MROH2A: variants seen among roughly 807,000 people sequenced by gnomAD.
The protein encoded by MROH2A is maestro heat like repeat family member 2A.
MROH2A carries 174 observed loss-of-function variants against 200.4 expected under a neutral mutation model. The ratio of observed to expected loss-of-function variants is 0.87; its 90% CI spans 0.77 to 0.98. The LOEUF is 0.98. MROH2A is among the 50% of genes least tolerant of loss of function. MROH2A has a pLI of 0.00. For synonymous variants in MROH2A, 829 were observed against 840.4 expected (o/e 0.99, Z 0.23); for missense variants, 2,045 against 2,139.6 (o/e 0.96, Z 0.87).
At chr2:233,784,800 T>G (rs1701112275) in intron 3 of MROH2A, among the ~76,000 whole-genome samples, 1 of 152,188 alleles carries the variant, frequency 6.6e-6, no homozygotes. Flanking sequence ...TCTTTATAAA[T>G]TATCTAGCCT....
At chr2:233,801,086 T>C (rs888005334) in intron 14 of MROH2A, among the ~76,000 whole-genome samples, 12 of 152,252 alleles carry the variant, frequency 7.9e-5, no homozygotes, top group African/African-American at 2.7e-4. Flanking sequence ...AGAGGGTAGT[T>C]ATTATCCTGA....
At chr2:233,829,880 C>T in intron 38 of MROH2A, 105 bp downstream of exon 38, 1 of 1,117,682 alleles carries the variant, frequency 8.9e-7, no homozygotes, top group Non-Finnish European at 1.1e-6. Context: ...TTTTCTCTGC[C>T]TCAGTTGGTT....
At chr2:233,778,037 A>G (rs1434230807), upstream of MROH2A, among the ~76,000 whole-genome samples, 1 of 151,758 alleles carries the variant, frequency 6.6e-6, no homozygotes, top group East Asian at 1.9e-4. Flanking sequence ...TCCTGACCAC[A>G]CCTCCCCACC....
intron 40 of MROH2A, 25 bp from the exon 41 acceptor site, chr2:233,832,554 A>G (rs938598259): frequency 6.6e-7 from 1 of 1,507,002 alleles, no homozygotes; most frequent in African/African-American, 1.4e-5. Flanking sequence ...TCGCGTGATG[A>G]GCATTTCTTT....
intron 24 of MROH2A, among the ~76,000 whole-genome samples, chr2:233,812,986 A>G (rs79899086): frequency 6.6e-6 from 1 of 152,158 alleles, no homozygotes; most frequent in South Asian, 2.1e-4. Context: ...CTCATGGGGA[A>G]CTTTTAACAG....
intron 5 of MROH2A, among the ~76,000 whole-genome samples, chr2:233,790,987 G>A (rs907222075): frequency 6.6e-6 from 1 of 152,234 alleles, no homozygotes; most frequent in African/African-American, 2.4e-5. Flanking sequence ...AAGGCAGAGA[G>A]GAGGATGTCT....
upstream of MROH2A, chr2:233,775,846 G>C (rs1411998631): frequency 6.6e-6 from 1 of 152,254 alleles, no homozygotes; most frequent in East Asian, 1.9e-4. Context: ...GAGGGACCTG[G>C]TGGGAAGTGA....
At chr2:233,781,081 G>A (rs565857600) in intron 3 of MROH2A, among the ~76,000 whole-genome samples, 64 of 152,022 alleles carry the variant, frequency 4.2e-4, no homozygotes, top group African/African-American at 1.1e-3. Context: ...TTTTTTTATG[G>A]TTGAATAATA....
At chr2:233,804,573 G>A in intron 18 of MROH2A, 26 bp downstream of exon 18, 1 of 1,550,818 alleles carries the variant, frequency 6.4e-7, no homozygotes, top group East Asian at 2.4e-5. Context: ...GTTTGCTGAG[G>A]CCTGGGAGGA....
chr2:233,832,392 C>G, intron 40 of MROH2A, 113 bp downstream of exon 40: 3 of 1,032,714 alleles, frequency 2.9e-6, no homozygotes, highest in Non-Finnish European at 4.3e-6. Flanking sequence ...AAGCTGAGAC[C>G]AGAGCTCAGG....
chr2:233,813,577 T>C (rs1703318259), intron 24 of MROH2A, 93 bp from the exon 25 acceptor site: 1 of 734,468 alleles, frequency 1.4e-6, no homozygotes, highest in Non-Finnish European at 2.3e-6. Context: ...CTTCCTCTTC[T>C]AGGATGTGTT....
upstream of MROH2A, among the ~76,000 whole-genome samples, chr2:233,776,026 C>T (rs1179247301): frequency 6.6e-6 from 1 of 152,152 alleles, no homozygotes; most frequent in African/African-American, 2.4e-5. Flanking sequence ...GATTGTGAGG[C>T]CTCCCCAGCC....
At chr2:233,779,510 A>G (rs1423012144) in intron 2 of MROH2A, 58 bp downstream of exon 2, 1 of 1,427,360 alleles carries the variant, frequency 7.0e-7, no homozygotes, top group Non-Finnish European at 9.7e-7. Flanking sequence ...TAACTCTTTG[A>G]CTGCAGCCCC....
chr2:233,818,273 C>A, intron 28 of MROH2A, 148 bp downstream of exon 28: 1 of 1,004,830 alleles, frequency 1.0e-6, no homozygotes, highest in Non-Finnish European at 1.4e-6. Flanking sequence ...TCAGAGGGAG[C>A]AGTGAGGGGA....
At chr2:233,803,334 A>T in intron 15 of MROH2A, 114 bp from the exon 16 acceptor site, 1 of 1,095,406 alleles carries the variant, frequency 9.1e-7, no homozygotes, top group Non-Finnish European at 1.3e-6. Flanking sequence ...GGTTTGGGGA[A>T]CAAGATCATG....
chr2:233,788,871 A>G (rs376512095), intron 3 of MROH2A, among the ~76,000 whole-genome samples: 5 of 137,326 alleles, frequency 3.6e-5, no homozygotes, highest in South Asian at 2.5e-4. Context: ...CCCGGGAGGC[A>G]GAGCTTGCAG....
intron 3 of MROH2A, among the ~76,000 whole-genome samples, chr2:233,780,355 A>C (rs1228741176): frequency 6.6e-6 from 1 of 152,058 alleles, no homozygotes; most frequent in Non-Finnish European, 1.5e-5. Flanking sequence ...GCTGGGCACC[A>C]CCCCCAGAGT....
intron 35 of MROH2A, among the ~76,000 whole-genome samples, chr2:233,824,249 A>G (rs1704154405): frequency 6.6e-6 from 1 of 152,234 alleles, no homozygotes; most frequent in Admixed American, 6.5e-5. Flanking sequence ...ATTGATGGAC[A>G]CTGGAATTTA....
Position 233,807,648 on chromosome 2 carries a change from G to A in MROH2A, c.2173-85G>A, listed in dbSNP as rs1409594083. The A allele has an allele frequency of 5.8e-6, 9 of 1,546,720 alleles. No homozygotes were observed. The highest frequency in any genetic ancestry group is 7.0e-6 in the Non-Finnish European group (8 of 1,145,010). ...GTTTTGTGTGTGTGTGTGTACATGT[G>A]TGTGTGCCTTGCACGTGTGTGTGTG... is the stretch of plus-strand genomic sequence containing the variant. On this transcript the variant is annotated intron_variant, in intron 20 of 41. Coordinates refer to ENST00000389758, the MANE Select transcript of MROH2A (RefSeq NM_001394639.1). This position sits in a 1 kb window ranked among gnomAD's most constrained non-coding sequence, Gnocchi z 4.3.
Sources: gnomAD v4.1 joint callset for allele counts (sites outside exome capture counted in the v4.1 genomes callset) on GRCh38, gnomAD v4.1.1 for gene constraint, Gnocchi (gnomAD v3.1) non-coding constraint, MANE v1.5 for transcripts, NCBI Gene and HGNC (gene_info 2026-07-23, HGNC 2026-07-21) for gene names.